The following KCNH5 variants were observed in gnomAD, a reference collection of about 807,000 sequenced individuals.
The protein encoded by KCNH5 is voltage-gated delayed rectifier potassium channel KCNH5.
KCNH5 carries 46 observed loss-of-function variants against 96.1 expected under a neutral mutation model. The observed-to-expected ratio is 0.48, with a 90% CI of 0.38 to 0.61. The LOEUF (loss-of-function observed/expected upper bound fraction) is 0.61, where lower values mean the gene tolerates loss of function less well. Ranked by LOEUF, KCNH5 falls within the 20% of genes least tolerant of loss-of-function variation. The pLI is 0.00. For missense variants in KCNH5, 907 were observed against 1,225.8 expected, an observed-to-expected ratio of 0.74 and a Z score of 3.88; for synonymous variants, 439 against 449.8, an observed-to-expected ratio of 0.98 and a Z score of 0.30.
chr14:62,885,924 A>T (rs531051230), intron 7 of KCNH5, among the ~76,000 whole-genome samples: 1 of 152,348 alleles, frequency 6.6e-6, no homozygotes, highest in Non-Finnish European at 1.5e-5. Context: ...TCAAAAACAA[A>T]GGTTAGAAGA....
At chr14:62,980,771 G>A in intron 6 of KCNH5, 101 bp downstream of exon 6, 1 of 1,239,008 alleles carries the variant, frequency 8.1e-7, no homozygotes, top group Non-Finnish European at 1.1e-6. Context: ...GTTGAAAGTG[G>A]TGGCTAAAAA....
At position 62,832,602 on chromosome 14, in the gene KCNH5, T is replaced by C. The variant is rs1270259014; in HGVS notation, c.1569+17051A>G. ...TAAACATCTGATATTTTGAGTTCGA[T>C]TCTTTTGGATAAATACCCAGGAGTG... On this transcript the variant is annotated intron_variant, in intron 8 of 10. Coordinates refer to ENST00000322893, the MANE Select transcript of KCNH5 (RefSeq NM_139318.5). 2.0e-5 allele frequency among the ~76,000 whole-genome samples: 3 copies of C among 152,300 alleles called. No homozygotes were observed. In the East Asian group the frequency reaches 5.8e-4, roughly 29 times the overall value.
intron 8 of KCNH5, among the ~76,000 whole-genome samples, chr14:62,824,820 T>C (rs1190547093): frequency 1.3e-5 from 2 of 152,012 alleles, no homozygotes; most frequent in African/African-American, 2.4e-5. Flanking sequence ...CATCTTTACG[T>C]CCATGAGTAC....
At chr14:62,848,793 T>C (rs894678082) in intron 8 of KCNH5, among the ~76,000 whole-genome samples, 110 of 151,290 alleles carry the variant, frequency 7.3e-4, no homozygotes, top group African/African-American at 2.4e-3. Context: ...TTGTGGGAAA[T>C]GGCCAGGAAA....
At position 63,001,858 on chromosome 14, in the gene KCNH5, G is replaced by A. The variant is rs148182528; in HGVS notation, c.305-399C>T. On this transcript the variant is annotated intron_variant, in intron 3 of 10. Coordinates refer to ENST00000322893, the MANE Select transcript of KCNH5 (RefSeq NM_139318.5). ...GTGATCACTCCTACCTGCTTCTCTC[G>A]TCATGTCACTTTGACAAGTGTTTCC... Among the ~76,000 whole-genome samples the A allele has an allele frequency of 1.2e-4, 19 of 152,172 alleles. No individual in the cohort carries two copies. The East Asian group carries it at 1.7e-3, about 14-fold the overall frequency.
intron 7 of KCNH5, among the ~76,000 whole-genome samples, chr14:62,918,136 T>C (rs1889311231): frequency 6.6e-6 from 1 of 152,140 alleles, no homozygotes; most frequent in African/African-American, 2.4e-5. Context: ...ATTTTCCTCA[T>C]CTGAAGAATG....
At chr14:62,818,990 G>A (rs1023596121) in intron 8 of KCNH5, among the ~76,000 whole-genome samples, 10 of 151,816 alleles carry the variant, frequency 6.6e-5, no homozygotes, top group Admixed American at 2.0e-4. Flanking sequence ...TTTTTGAGAC[G>A]GAGTCTCGCT....
intron 7 of KCNH5, among the ~76,000 whole-genome samples, chr14:62,908,782 ATTTTTTTTTTTTTT>A (rs71120241): frequency 0.017 from 392 of 23,744 alleles, 10 homozygotes; most frequent in Middle Eastern, 0.045. Context: ...TTTGCTTTGT[ATTTTTTTTTTTTTT>A]TTTTTTTTTT....
chr14:62,842,386 G>C, intron 8 of KCNH5, among the ~76,000 whole-genome samples: 1 of 150,264 alleles, frequency 6.7e-6, no homozygotes, highest in Non-Finnish European at 1.5e-5. Flanking sequence ...AGGTCAGTCA[G>C]AAAAGAAAAA....
chr14:62,745,578 G>A (rs1042843996), intron 10 of KCNH5, among the ~76,000 whole-genome samples: 8 of 152,134 alleles, frequency 5.3e-5, no homozygotes, highest in Non-Finnish European at 7.4e-5. Flanking sequence ...ACTTTGGTCA[G>A]AAGCCAGGGC....
chr14:62,945,912 G>C (rs190245692), intron 7 of KCNH5, among the ~76,000 whole-genome samples: 1 of 151,994 alleles, frequency 6.6e-6, no homozygotes, highest in South Asian at 2.1e-4. Flanking sequence ...AGGTAGGCAG[G>C]GCCATATCAG....
chr14:62,957,039 A>G (rs565526505), intron 6 of KCNH5, among the ~76,000 whole-genome samples: 8 of 152,228 alleles, frequency 5.3e-5, no homozygotes, highest in Non-Finnish European at 1.0e-4. Context: ...CATCAAGTGC[A>G]TAACAGAACA....
At chr14:62,994,739 G>A (rs1890875990) in intron 4 of KCNH5, among the ~76,000 whole-genome samples, 1 of 151,998 alleles carries the variant, frequency 6.6e-6, no homozygotes, top group Admixed American at 6.6e-5. Flanking sequence ...GGCAGCATGG[G>A]TGCAATAGAG....
At chr14:62,848,038 TG>T (rs1366794513) in intron 8 of KCNH5, among the ~76,000 whole-genome samples, 1 of 152,242 alleles carries the variant, frequency 6.6e-6, no homozygotes, top group Non-Finnish European at 1.5e-5. Context: ...AACTCTGCCC[TG>T]TACTAGATTT....
intron 1 of KCNH5, among the ~76,000 whole-genome samples, chr14:63,029,657 G>C (rs2139621708): frequency 6.6e-6 from 1 of 151,920 alleles, no homozygotes; most frequent in Admixed American, 6.6e-5. Flanking sequence ...AAATACTTGA[G>C]AAAAATGAGA....
At chr14:62,987,270 C>G in intron 4 of KCNH5, 83 bp from the exon 5 acceptor site, 1 of 925,404 alleles carries the variant, frequency 1.1e-6, no homozygotes, top group Non-Finnish European at 1.8e-6. Context: ...AAAAAGATCT[C>G]AGCAACCACA....
At chr14:62,872,647 C>T (rs1391956179) in intron 7 of KCNH5, among the ~76,000 whole-genome samples, 1 of 152,100 alleles carries the variant, frequency 6.6e-6, no homozygotes, top group African/African-American at 2.4e-5. Flanking sequence ...GAGCAGATAC[C>T]ATGCCACTGC....
intron 7 of KCNH5, among the ~76,000 whole-genome samples, chr14:62,902,118 T>A (rs57087381): frequency 0.13 from 19,324 of 152,180 alleles, 1,424 homozygotes; most frequent in East Asian, 0.28. Context: ...GATGTTAGAC[T>A]TTTGTCATTG....
At chr14:62,777,094 T>C (rs1322804070) in intron 10 of KCNH5, among the ~76,000 whole-genome samples, 1 of 152,222 alleles carries the variant, frequency 6.6e-6, no homozygotes, top group Non-Finnish European at 1.5e-5. Context: ...ATTGCAATAA[T>C]TTTTACAATA....
Sources: gnomAD v4.1 joint callset for allele counts (sites outside exome capture counted in the v4.1 genomes callset) on GRCh38, gnomAD v4.1.1 for gene constraint, MANE v1.5 for transcripts, NCBI Gene and HGNC (gene_info 2026-07-23, HGNC 2026-07-21) for gene names.